The following AMZ2 variants were observed in gnomAD, a reference collection of about 807,000 sequenced individuals.
AMZ2 encodes the protein archaemetzincin-2.
Under a neutral mutation model 36.7 loss-of-function variants are expected in AMZ2, and 26 were observed. The observed-to-expected ratio is 0.71, with a 90% CI of 0.52 to 0.98. AMZ2 has a LOEUF of 0.98. Ranked by LOEUF, AMZ2 falls within the 50% of genes least tolerant of loss-of-function variation. The pLI, the probability that AMZ2 is intolerant of heterozygous loss-of-function variation, is 0.00. For synonymous variants in AMZ2, 144 were observed against 149.1 expected, an observed-to-expected ratio of 0.97 and a Z score of 0.25; for missense variants, 394 against 430.5, an observed-to-expected ratio of 0.92 and a Z score of 0.75.
intron 1 of AMZ2, among the ~76,000 whole-genome samples, chr17:68,212,854 C>T (rs1238160522): frequency 1.3e-5 from 2 of 152,158 alleles, no homozygotes; most frequent in Non-Finnish European, 2.9e-5. Flanking sequence ...AGGAGTGAGC[C>T]ATCGCACCTG....
chr17:68,240,310 T>C (rs1555733747), intron 1 of AMZ2, among the ~76,000 whole-genome samples: 1 of 152,218 alleles, frequency 6.6e-6, no homozygotes, highest in Non-Finnish European at 1.5e-5. Context: ...GGTCTCAACA[T>C]ATAAATTTTG....
chr17:68,225,479 A>G (rs1871355775), intron 1 of AMZ2, among the ~76,000 whole-genome samples: 1 of 152,206 alleles, frequency 6.6e-6, no homozygotes, highest in African/African-American at 2.4e-5. Flanking sequence ...TTACTATAGG[A>G]AAACACACAA....
chr17:68,206,694 A>C (rs782170454), intron 1 of AMZ2: 1 of 152,204 alleles, frequency 6.6e-6, no homozygotes, highest in Non-Finnish European at 1.5e-5. Context: ...TAGATATGTT[A>C]CTTAAAAGGG....
At chr17:68,210,957 A>AGGGGG (rs71142141) in intron 1 of AMZ2, among the ~76,000 whole-genome samples, 8 of 117,810 alleles carry the variant, frequency 6.8e-5, no homozygotes, top group African/African-American at 2.7e-4. Flanking sequence ...TCAAAAAAAA[A>AGGGGG]GGGGGGGGGG....
At chr17:68,207,624 G>A (rs2072880284) in intron 1 of AMZ2, 1 of 152,222 alleles carries the variant, frequency 6.6e-6, no homozygotes, top group South Asian at 2.1e-4. Context: ...TACTGGAGAA[G>A]TAGAGTAGTA....
chr17:68,211,780 A>G (rs1277959361), intron 1 of AMZ2, among the ~76,000 whole-genome samples: 1 of 115,146 alleles, frequency 8.7e-6, no homozygotes, highest in East Asian at 2.6e-4. Context: ...GTATATGTAT[A>G]TATGTATATG....
intron 1 of AMZ2, among the ~76,000 whole-genome samples, chr17:68,208,375 C>CCAAT (rs1457612378): frequency 2.6e-5 from 4 of 152,164 alleles, no homozygotes; most frequent in Non-Finnish European, 5.9e-5. Context: ...TATAAATGCA[C>CCAAT]CAATCAGCAC....
chr17:68,236,405 T>A (rs1182915131), intron 1 of AMZ2, among the ~76,000 whole-genome samples: 1 of 151,902 alleles, frequency 6.6e-6, no homozygotes, highest in African/African-American at 2.4e-5. Flanking sequence ...GTATTTTATA[T>A]AGTAAGTATA....
At chr17:68,216,279 A>G (rs571734338) in intron 1 of AMZ2, among the ~76,000 whole-genome samples, 13 of 152,064 alleles carry the variant, frequency 8.5e-5, no homozygotes, top group Non-Finnish European at 1.8e-4. Context: ...GACTACAGGC[A>G]TGTGCCACCA....
At chr17:68,232,761 T>G (rs1251494637) in intron 1 of AMZ2, among the ~76,000 whole-genome samples, 1 of 151,986 alleles carries the variant, frequency 6.6e-6, no homozygotes, top group Non-Finnish European at 1.5e-5. Context: ...GATAAATTGT[T>G]TGAACCTAGG....
chr17:68,246,419 G>C (rs1482891088), upstream of AMZ2, among the ~76,000 whole-genome samples: 17 of 152,192 alleles, frequency 1.1e-4, no homozygotes, highest in African/African-American at 4.1e-4. Context: ...TTTTACAAAA[G>C]AGGTCAAGTA....
At position 68,231,629 on chromosome 17, in the gene AMZ2, C is replaced by A. The variant is rs1385851625; in HGVS notation, c.-66-17011C>A. ...GGTGGGAAACACATAAGTAGTAGTACGAGTTTTCCTTGCATGGGGACATAC... is the reference window on the plus strand; with the variant it reads ...GGTGGGAAACACATAAGTAGTAGTAAGAGTTTTCCTTGCATGGGGACATAC... On this transcript the variant is annotated intron_variant, in intron 1 of 7. Coordinates refer to the AMZ2 transcript ENST00000674770. Among the ~76,000 whole-genome samples the A allele has an allele frequency of 1.1e-4, 4 of 36,566 alleles. 2 individuals are homozygous for A. The highest frequency in any genetic ancestry group is 9.2e-4 in the African/African-American group (4 of 4,332). 24.0% of individuals were successfully genotyped at this position (36,566 alleles called of 152,430 possible).
intron 2 of AMZ2, 124 bp from the exon 3 acceptor site, chr17:68,250,670 T>C: frequency 8.5e-7 from 1 of 1,176,872 alleles, no homozygotes; most frequent in Non-Finnish European, 1.2e-6. Context: ...CACCAATGAA[T>C]GATAAAGGTT....
At chr17:68,223,237 G>A (rs575816899) in intron 1 of AMZ2, among the ~76,000 whole-genome samples, 14 of 152,194 alleles carry the variant, frequency 9.2e-5, no homozygotes, top group Non-Finnish European at 2.1e-4. Flanking sequence ...TTGGGGAAAG[G>A]TTGTAAACAT....
chr17:68,242,383 CAG>C (rs1468659973), intron 1 of AMZ2, among the ~76,000 whole-genome samples: 5 of 142,772 alleles, frequency 3.5e-5, no homozygotes, highest in East Asian at 2.3e-4. Context: ...TAAAGAGGGA[CAG>C]AGAAAAATCA....
chr17:68,227,405 A>G (rs546116467), intron 1 of AMZ2, among the ~76,000 whole-genome samples: 1 of 152,310 alleles, frequency 6.6e-6, no homozygotes, highest in South Asian at 2.1e-4. Flanking sequence ...CAGTGTATGC[A>G]CTTCCAGTGA....
At chr17:68,219,725 G>C (rs1254082760) in intron 1 of AMZ2, among the ~76,000 whole-genome samples, 1 of 149,002 alleles carries the variant, frequency 6.7e-6, no homozygotes, top group Non-Finnish European at 1.5e-5. Flanking sequence ...GTAGAGATGA[G>C]GTCTCGCTAT....
rs1568337573 is a variant in AMZ2 at position 68,209,623 on chromosome 17, TATATA to T, written c.-67+3386_-67+3390del. ...GTGTGTGTATATGTATATATATATA[TATATA>T]TATATTTTTTTTTTTTTTTATACAG... is the stretch of plus-strand genomic sequence containing the variant. On this transcript the variant is annotated intron_variant, in intron 1 of 7. Coordinates refer to the AMZ2 transcript ENST00000674770. Among the ~76,000 whole-genome samples the T allele has an allele frequency of 9.9e-3, 1,087 of 109,864 alleles. 25 individuals carry two copies. The highest frequency in any genetic ancestry group is 0.04 in the African/African-American group (1,040 of 26,020). 72.1% of individuals were successfully genotyped at this position (109,864 alleles called of 152,430 possible). A position where few individuals can be genotyped will look rare whatever the true frequency, so the allele number is the denominator to read the frequency against.
At chr17:68,226,198 A>G (rs1437966333) in intron 1 of AMZ2, among the ~76,000 whole-genome samples, 3 of 152,136 alleles carry the variant, frequency 2.0e-5, no homozygotes, top group African/African-American at 7.2e-5. Flanking sequence ...CACTTCACAA[A>G]GGAGTCAAAA....
Sources: gnomAD v4.1 joint callset for allele counts (sites outside exome capture counted in the v4.1 genomes callset) on GRCh38, gnomAD v4.1.1 for gene constraint, MANE v1.5 for transcripts, NCBI Gene and HGNC (gene_info 2026-07-23, HGNC 2026-07-21) for gene names.